Variants in KPNA3 observed in about 807,000 individuals in gnomAD.
KPNA3 encodes importin subunit alpha-4.
In KPNA3, 13 loss-of-function variants were observed where a neutral mutation model predicts 73.8. The ratio of observed to expected loss-of-function variants is 0.18; its 90% confidence interval spans 0.11 to 0.28. The LOEUF is 0.28. KPNA3 is among the 10% of genes least tolerant of loss of function. The pLI is 1.00. For missense variants in KPNA3, 360 were observed against 618.1 expected, an observed-to-expected ratio of 0.58 and a Z score of 4.43; for synonymous variants, 186 against 206.9, an observed-to-expected ratio of 0.90 and a Z score of 0.87.
chr13:49,774,846 G>A (rs1486772981), intron 1 of KPNA3, among the ~76,000 whole-genome samples: 1 of 152,056 alleles, frequency 6.6e-6, no homozygotes, highest in East Asian at 1.9e-4. Flanking sequence ...AACTAATTAG[G>A]AATGTGTTCT....
chr13:49,775,244 A>G (rs1188379470), intron 1 of KPNA3, among the ~76,000 whole-genome samples: 1 of 151,972 alleles, frequency 6.6e-6, no homozygotes, highest in Admixed American at 6.6e-5. Context: ...GCAATATACT[A>G]AAGAATTTAT....
intron 10 of KPNA3, among the ~76,000 whole-genome samples, chr13:49,715,096 C>A (rs1416289018): frequency 6.6e-6 from 1 of 151,704 alleles, no homozygotes; most frequent in Non-Finnish European, 1.5e-5. Context: ...CTTGATAGAA[C>A]ACCCAAAAAA....
intron 1 of KPNA3, among the ~76,000 whole-genome samples, chr13:49,751,494 G>T (rs972570091): frequency 1.6e-4 from 24 of 152,126 alleles, no homozygotes; most frequent in Non-Finnish European, 2.8e-4. Flanking sequence ...TTTTTAAAAT[G>T]CAAAATCTGT....
chr13:49,777,888 T>C (rs1954910402), intron 1 of KPNA3, among the ~76,000 whole-genome samples: 1 of 152,194 alleles, frequency 6.6e-6, no homozygotes, highest in Non-Finnish European at 1.5e-5. Context: ...CTACTCATAA[T>C]AACTTATAAA....
chr13:49,768,947 T>A (rs1041458220), intron 1 of KPNA3, among the ~76,000 whole-genome samples: 3 of 152,208 alleles, frequency 2.0e-5, no homozygotes, highest in African/African-American at 7.2e-5. Context: ...CAAATAAGGT[T>A]GTGGTATTCT....
chr13:49,762,046 C>T (rs75217233), intron 1 of KPNA3, among the ~76,000 whole-genome samples: 35,556 of 150,852 alleles, frequency 0.24, 4,890 homozygotes, highest in Non-Finnish European at 0.32. Context: ...CGCCCGGCAG[C>T]CGCCCCGTCT....
intron 1 of KPNA3, among the ~76,000 whole-genome samples, chr13:49,767,416 T>TA (rs200281474): frequency 2.1e-3 from 201 of 96,080 alleles, no homozygotes; most frequent in Middle Eastern, 5.7e-3. Context: ...TCTGTCTCAA[T>TA]AAAAAAAAAA....
intron 2 of KPNA3, among the ~76,000 whole-genome samples, chr13:49,738,466 T>C (rs1181421556): frequency 6.6e-6 from 1 of 152,226 alleles, no homozygotes; most frequent in Non-Finnish European, 1.5e-5. Flanking sequence ...ATTATTACGT[T>C]GAGGCTTCCA....
At chr13:49,706,039 A>G (rs1480779533) in intron 14 of KPNA3, 59 bp downstream of exon 14, 17 of 1,437,916 alleles carry the variant, frequency 1.2e-5, no homozygotes, top group Admixed American at 5.8e-5. Flanking sequence ...ACGAAACATA[A>G]GAGAGCAGCA....
At chr13:49,777,875 A>T (rs1361827080) in intron 1 of KPNA3, among the ~76,000 whole-genome samples, 2 of 152,170 alleles carry the variant, frequency 1.3e-5, no homozygotes, top group Admixed American at 1.3e-4. Flanking sequence ...TATTCCAAAA[A>T]GTCTACTCAT....
chr13:49,777,297 G>C (rs1240127562), intron 1 of KPNA3, among the ~76,000 whole-genome samples: 3 of 152,062 alleles, frequency 2.0e-5, no homozygotes, highest in African/African-American at 2.4e-5. Flanking sequence ...TACCCCTTTT[G>C]TGTTTCTGAA....
chr13:49,721,186 T>G (rs1259090506), intron 9 of KPNA3, among the ~76,000 whole-genome samples: 1 of 151,868 alleles, frequency 6.6e-6, no homozygotes, highest in Admixed American at 6.6e-5. Flanking sequence ...GCCACTGCAC[T>G]CCAGCCTGGG....
intron 1 of KPNA3, among the ~76,000 whole-genome samples, chr13:49,755,041 T>C (rs1954698757): frequency 6.6e-6 from 1 of 150,768 alleles, no homozygotes; most frequent in African/African-American, 2.4e-5. Context: ...ATTACCTGAA[T>C]AACAAAACCA....
chr13:49,720,096 T>C (rs959110923), intron 9 of KPNA3, among the ~76,000 whole-genome samples: 5 of 152,208 alleles, frequency 3.3e-5, no homozygotes, highest in Non-Finnish European at 7.3e-5. Context: ...TAAAAACATT[T>C]GTTTTTAATA....
chr13:49,744,481 A>G (rs1324884284), intron 2 of KPNA3, among the ~76,000 whole-genome samples: 1 of 152,254 alleles, frequency 6.6e-6, no homozygotes, highest in Non-Finnish European at 1.5e-5. Context: ...AATAGACAAA[A>G]TAATTCTATC....
At chr13:49,761,573 T>C (rs1954761327) in intron 1 of KPNA3, among the ~76,000 whole-genome samples, 1 of 152,234 alleles carries the variant, frequency 6.6e-6, no homozygotes, top group Admixed American at 6.5e-5. Context: ...TGCAGTGGCA[T>C]GATCTCGGCT....
intron 6 of KPNA3, among the ~76,000 whole-genome samples, chr13:49,731,255 T>G (rs1954466715): frequency 6.9e-6 from 1 of 145,122 alleles, no homozygotes; most frequent in Non-Finnish European, 1.5e-5. Context: ...TCGTGTTTTT[T>G]TTTTTTTTTT....
At chr13:49,776,077 T>C (rs1324118933) in intron 1 of KPNA3, among the ~76,000 whole-genome samples, 1 of 152,172 alleles carries the variant, frequency 6.6e-6, no homozygotes, top group Non-Finnish European at 1.5e-5. Flanking sequence ...CTTTTTTATT[T>C]TTTATTTTTG....
chr13:49,730,519 CAAAAAAAAAAAAAAAAA>C (rs55725741), intron 6 of KPNA3, among the ~76,000 whole-genome samples: 34 of 27,290 alleles, frequency 1.2e-3, no homozygotes, highest in South Asian at 2.0e-3. Context: ...GACTCTGTCT[CAAAAAAAAAAAAAAAAA>C]AAAAAAAAAA....
Sources: gnomAD v4.1 joint callset for allele counts (sites outside exome capture counted in the v4.1 genomes callset) on GRCh38, gnomAD v4.1.1 for gene constraint, MANE v1.5 for transcripts, NCBI Gene and HGNC (gene_info 2026-07-23, HGNC 2026-07-21) for gene names.